PLEKHS1: variants seen among roughly 807,000 people sequenced by gnomAD.
PLEKHS1 encodes pleckstrin homology domain-containing family S member 1.
In PLEKHS1, 55 loss-of-function variants were observed where a neutral mutation model predicts 51.0. The ratio of observed to expected loss-of-function variants is 1.08; its 90% CI spans 0.87 to 1.35. PLEKHS1 has a LOEUF of 1.35. Ranked by LOEUF, PLEKHS1 falls within the 40% of genes most tolerant of loss-of-function variation. The pLI, the probability that PLEKHS1 is intolerant of heterozygous loss-of-function variation, is 0.00. For synonymous variants in PLEKHS1, 153 were observed against 144.8 expected (o/e 1.06, Z -0.41); for missense variants, 398 against 423.0 (o/e 0.94, Z 0.52).
At chr10:113,760,932 A>G (rs7091079) in intron 2 of PLEKHS1, among the ~76,000 whole-genome samples, 28,051 of 152,144 alleles carry the variant, frequency 0.18, 2,719 homozygotes, top group East Asian at 0.29. Flanking sequence ...TAAAAGTTTT[A>G]TGGTTTTAGC....
intron 2 of PLEKHS1, among the ~76,000 whole-genome samples, chr10:113,762,064 T>C (rs1454484629): frequency 6.6e-6 from 1 of 152,062 alleles, no homozygotes; most frequent in Non-Finnish European, 1.5e-5. Context: ...CAAGGAATTT[T>C]TCAGTTTACC....
At chr10:113,767,188 C>A (rs1195087166) in intron 4 of PLEKHS1, among the ~76,000 whole-genome samples, 157 bp from the exon 5 acceptor site, 2 of 152,098 alleles carry the variant, frequency 1.3e-5, no homozygotes, top group East Asian at 1.9e-4. Flanking sequence ...TTAACCAGAT[C>A]AAAAAATCCA....
chr10:113,754,808 G>T (rs972748528), intron 1 of PLEKHS1, among the ~76,000 whole-genome samples: 2 of 152,094 alleles, frequency 1.3e-5, no homozygotes, highest in Non-Finnish European at 2.9e-5. Flanking sequence ...GTTTCCCCTG[G>T]AGAAAGCAAG....
At chr10:113,781,512 T>C (rs1844869925) in exon 12 of PLEKHS1, 1 of 92,804 alleles carries the variant, frequency 1.1e-5, no homozygotes, top group Admixed American at 1.3e-4. Flanking sequence ...AACACCTCCT[T>C]CCCAAACCCC....
intron 2 of PLEKHS1, among the ~76,000 whole-genome samples, chr10:113,761,459 T>A (rs1843927853): frequency 2.0e-5 from 3 of 150,814 alleles, no homozygotes; most frequent in Admixed American, 6.6e-5. Context: ...ATTTCAGCAA[T>A]TTTTCTAGTT....
At chr10:113,767,448 A>G in exon 5 of PLEKHS1, 1 of 1,613,414 alleles carries the variant, frequency 6.2e-7, no homozygotes, top group Non-Finnish European at 8.5e-7. Flanking sequence ...CAGAACCACT[A>G]ACAGGGAATA....
At chr10:113,762,268 T>A (rs930088689) in intron 2 of PLEKHS1, among the ~76,000 whole-genome samples, 3 of 151,806 alleles carry the variant, frequency 2.0e-5, no homozygotes, top group African/African-American at 7.2e-5. Context: ...TAACTTTGGT[T>A]TCATTGGTTG....
At chr10:113,771,805 G>C (rs1183699828) in intron 7 of PLEKHS1, among the ~76,000 whole-genome samples, 165 bp from the exon 8 acceptor site, 1 of 152,004 alleles carries the variant, frequency 6.6e-6, no homozygotes, top group Non-Finnish European at 1.5e-5. Flanking sequence ...TGGTGACCCA[G>C]ACTCAAGAGG....
At chr10:113,764,782 TTC>T (rs1844087653) in intron 2 of PLEKHS1, 1 of 152,426 alleles carries the variant, frequency 6.6e-6, no homozygotes, top group South Asian at 2.1e-4. Flanking sequence ...TTAAATTATG[TTC>T]TAACTCTTTG....
rs536565126 is a variant in PLEKHS1 at position 113,756,647 on chromosome 10, C to T, written c.28+1342C>T. On this transcript the variant is annotated intron_variant, in intron 2 of 11. Transcript: ENST00000361048. The stretch of plus-strand genomic sequence containing the variant: ...TACAGGAAAGGCATTTGAGCTAGAC[C>T]CTATAGGAGGAGTAGGGATTTTAAA... 2.6e-5 allele frequency among the ~76,000 whole-genome samples: 4 copies of T among 151,892 alleles called. No homozygotes were observed. The South Asian group carries it at 6.2e-4, about 24-fold the overall frequency.
intron 11 of PLEKHS1, among the ~76,000 whole-genome samples, chr10:113,779,443 G>A (rs987293513): frequency 2.6e-5 from 4 of 152,116 alleles, no homozygotes; most frequent in African/African-American, 4.8e-5. Context: ...GGTGGCGGGT[G>A]CCTGTTATCC....
In PLEKHS1 at chr10:113,774,349, G is replaced by A. The variant is rs75023145; in HGVS notation, c.779+16G>A. ...TGGAATCCTAGTAAGTCAAAATGCC[G>A]TTTCAAAATTTGATGTTTGCTCATC... is the stretch of plus-strand genomic sequence containing the variant. On this transcript the variant is annotated intron_variant, in intron 9 of 11. Transcript: ENST00000361048. 1.8e-3 allele frequency: 2,654 copies of A among 1,465,050 alleles called. 26 individuals are homozygous for A. The African/African-American group carries it at 0.029, about 16-fold the overall frequency. The allele number at this position is 1,465,050 out of a possible 1,614,324, so 90.8% of individuals were successfully genotyped here.
rs1844614631 is a variant in PLEKHS1 at position 113,775,625 on chromosome 10, T to C, written c.990-140T>C. On this transcript the variant is annotated intron_variant, in intron 10 of 11. Transcript: ENST00000361048. The stretch of plus-strand genomic sequence containing the variant: ...AGGATTTTTCAGTAACTTAAATTTA[T>C]ATTATTCTCCAAATGTTTTGAACAA... The C allele has an allele frequency of 9.1e-6, 5 of 549,478 alleles. No homozygotes were observed. In the East Asian group the frequency reaches 1.2e-4, roughly 13 times the overall value. 34.0% of individuals were successfully genotyped at this position (549,478 alleles called of 1,614,324 possible).
At chr10:113,758,083 T>C (rs772366552) in intron 2 of PLEKHS1, among the ~76,000 whole-genome samples, 5 of 152,186 alleles carry the variant, frequency 3.3e-5, no homozygotes, top group Non-Finnish European at 7.3e-5. Context: ...TCGAGGAGTA[T>C]TGGAATCCAC....
intron 2 of PLEKHS1, among the ~76,000 whole-genome samples, chr10:113,760,178 C>T (rs1843855449): frequency 6.6e-6 from 1 of 152,200 alleles, no homozygotes; most frequent in East Asian, 1.9e-4. Flanking sequence ...CATGTCGTTG[C>T]ATCTGTCAAT....
chr10:113,769,954 C>T, intron 7 of PLEKHS1, 54 bp downstream of exon 7: 1 of 1,280,390 alleles, frequency 7.8e-7, no homozygotes, highest in Non-Finnish European at 1.1e-6. Context: ...CAGCTAATGC[C>T]TAAAAATCTT....
exon 7 of PLEKHS1, chr10:113,769,814 C>A (rs145174759): frequency 1.2e-6 from 2 of 1,613,906 alleles, no homozygotes; most frequent in Non-Finnish European, 1.7e-6. Context: ...TAAAAGAACC[C>A]TCTTCTACTC....
intron 8 of PLEKHS1, 50 bp from the exon 9 acceptor site, chr10:113,774,177 C>T: frequency 8.7e-7 from 1 of 1,154,022 alleles, no homozygotes; most frequent in Non-Finnish European, 1.3e-6. Flanking sequence ...AAGAAGGTAC[C>T]TGACTTATCG....
chr10:113,766,061 T>C (rs1377822327), intron 2 of PLEKHS1, among the ~76,000 whole-genome samples: 1 of 152,264 alleles, frequency 6.6e-6, no homozygotes, highest in Non-Finnish European at 1.5e-5. Flanking sequence ...GCTTTTGCTC[T>C]TGTTTGCTAA....
Sources: allele counts gnomAD v4.1 joint callset (sites outside exome capture counted in the v4.1 genomes callset), GRCh38; gene constraint gnomAD v4.1.1; transcripts MANE v1.5; gene names NCBI Gene and HGNC (gene_info 2026-07-23, HGNC 2026-07-21).